JCAD: variants seen among roughly 807,000 people sequenced by gnomAD.
JCAD encodes junctional cadherin 5-associated protein.
In JCAD, 40 loss-of-function variants were observed where a neutral mutation model predicts 98.0. The observed-to-expected ratio is 0.41, with a 90% confidence interval of 0.32 to 0.53. The LOEUF (loss-of-function observed/expected upper bound fraction) is 0.53. Among genes scored for constraint, JCAD ranks in the 20% least tolerant of loss-of-function variants. The pLI is 0.31. For missense variants in JCAD, 1,705 were observed against 1,738.1 expected, an observed-to-expected ratio of 0.98 and a Z score of 0.34; for synonymous variants, 691 against 682.3, an observed-to-expected ratio of 1.01 and a Z score of -0.20.
At chr10:30,025,548 G>GGGAGGGGAGC (rs1302400785) in intron 3 of JCAD, among the ~76,000 whole-genome samples, 1 of 100,488 alleles carries the variant, frequency 1.0e-5, no homozygotes, top group Non-Finnish European at 2.3e-5. Context: ...GGGAGGGGAG[G>GGGAGGGGAGC]GGAGGGGAGG....
At chr10:30,090,123 T>TTCTGAA (rs1838236684) in intron 1 of JCAD, among the ~76,000 whole-genome samples, 1 of 152,212 alleles carries the variant, frequency 6.6e-6, no homozygotes, top group African/African-American at 2.4e-5. Flanking sequence ...TAAATGGTGT[T>TTCTGAA]CTTTATATTC....
chr10:30,034,209 C>G (rs1259821593), intron 2 of JCAD, among the ~76,000 whole-genome samples: 1 of 150,216 alleles, frequency 6.7e-6, no homozygotes, highest in African/African-American at 2.5e-5. Flanking sequence ...GGCGACAGAG[C>G]AAGACTCCAT....
intron 2 of JCAD, among the ~76,000 whole-genome samples, chr10:30,043,497 T>C (rs535788855): frequency 6.6e-6 from 1 of 152,272 alleles, no homozygotes; most frequent in East Asian, 1.9e-4. Flanking sequence ...CTGCCTTCCA[T>C]GTATGCTCCC....
chr10:30,017,515 T>A lies in JCAD; in HGVS notation c.*368A>T, dbSNP rs1029227772. ...AGGGGAGCACACCATTCACAGGCCT[T>A]TCCAAAGCATTTGCTAGATCTTCCA... On this transcript the variant is annotated 3_prime_UTR_variant, in exon 4 of 4. Transcript: ENST00000375377. 1.5e-5 allele frequency: 5 copies of A among 332,854 alleles called. No individual in the cohort carries two copies. Among genetic ancestry groups the A allele is most frequent in the Non-Finnish European group, 2.8e-5 (5 of 179,742 alleles). The allele number at this position is 332,854 out of a possible 1,614,324, so 20.6% of individuals were successfully genotyped here.
intron 1 of JCAD, among the ~76,000 whole-genome samples, chr10:30,092,529 C>T (rs1427070343): frequency 1.3e-5 from 2 of 152,070 alleles, no homozygotes; most frequent in African/African-American, 2.4e-5. Context: ...TGGGAAACAG[C>T]GGGCAAGAGA....
intron 1 of JCAD, among the ~76,000 whole-genome samples, chr10:30,055,019 T>A (rs1195912107): frequency 6.6e-6 from 1 of 152,076 alleles, no homozygotes; most frequent in Non-Finnish European, 1.5e-5. Flanking sequence ...TCAATGACAA[T>A]AAAAGAAACA....
At chr10:30,050,338 A>AG (rs1172113480) in intron 1 of JCAD, among the ~76,000 whole-genome samples, 3 of 150,066 alleles carry the variant, frequency 2.0e-5, no homozygotes, top group African/African-American at 7.4e-5. Flanking sequence ...AAAAAAAAAA[A>AG]AAAAGAAAGA....
chr10:30,106,433 A>G (rs1402696266), intron 1 of JCAD, among the ~76,000 whole-genome samples: 1 of 152,112 alleles, frequency 6.6e-6, no homozygotes, highest in Non-Finnish European at 1.5e-5. Context: ...CTTAAAAAAA[A>G]AAAAAGTACA....
chr10:30,075,396 G>C (rs560265373), intron 1 of JCAD, among the ~76,000 whole-genome samples: 6 of 152,154 alleles, frequency 3.9e-5, no homozygotes, highest in Non-Finnish European at 7.3e-5. Flanking sequence ...CATTAAACCC[G>C]TAGGTCTGGT....
chr10:30,057,339 C>T (rs1837593207), intron 1 of JCAD, among the ~76,000 whole-genome samples: 1 of 152,138 alleles, frequency 6.6e-6, no homozygotes, highest in Admixed American at 6.5e-5. Context: ...TTTTAAATTG[C>T]ATGTTAAAAA....
intron 2 of JCAD, among the ~76,000 whole-genome samples, chr10:30,064,968 C>T (rs1837760119): frequency 6.6e-6 from 1 of 152,224 alleles, no homozygotes; most frequent in Non-Finnish European, 1.5e-5. Flanking sequence ...CCGTGCCCGG[C>T]CAAAACCCCA....
At position 30,026,795 on chromosome 10, in the gene JCAD, G is replaced by A; in HGVS notation, c.3353C>T (p.Ala1118Val). 3 of 1,614,108 alleles carry A rather than the reference G, an allele frequency of 1.9e-6. No homozygotes were observed. Among genetic ancestry groups the A allele is most frequent in the Non-Finnish European group, 2.5e-6 (3 of 1,180,046 alleles). The change falls in exon 3 of 4, where the codon GCC becomes GTC. Residue 1118 changes from alanine to valine, a missense_variant. Physicochemically the swap from Ala to Val is moderately conservative, Grantham distance 64. Transcript: ENST00000375377. Reference sequence around the variant, plus strand: ...TTCCTGGGGGGACTCTGGGGTGCAGGCACTTGCATCGGGCTCAGCAGGCTG... The same window carrying A: ...TTCCTGGGGGGACTCTGGGGTGCAGACACTTGCATCGGGCTCAGCAGGCTG... ...QNQPAEPDASACTPESPQEEL... is the reference protein window; with the variant it reads ...QNQPAEPDASVCTPESPQEEL...
intron 1 of JCAD, among the ~76,000 whole-genome samples, chr10:30,109,846 GTGTGGACCCCCTGGTT>G: frequency 1.3e-5 from 2 of 151,996 alleles, no homozygotes; most frequent in Non-Finnish European, 2.9e-5. Context: ...ACCAGCTGAT[GTGTGGACCCCCTGGTT>G]TATGAACTAG....
intron 3 of JCAD, among the ~76,000 whole-genome samples, chr10:30,023,048 T>G (rs929530189): frequency 1.6e-4 from 24 of 152,160 alleles, no homozygotes; most frequent in African/African-American, 3.9e-4. Context: ...TTCTTTTTGT[T>G]TTTTTGGAGA....
chr10:30,022,717 A>G (rs1253562810), intron 3 of JCAD, among the ~76,000 whole-genome samples: 1 of 152,190 alleles, frequency 6.6e-6, no homozygotes, highest in Non-Finnish European at 1.5e-5. Context: ...CCACAGAACA[A>G]CATCTTGGTC....
At chr10:30,084,584 G>A (rs1564467219) in intron 1 of JCAD, among the ~76,000 whole-genome samples, 2 of 152,158 alleles carry the variant, frequency 1.3e-5, no homozygotes, top group African/African-American at 4.8e-5. Context: ...GACTGCCTTT[G>A]AACTGGGAAG....
At chr10:30,108,015 T>A (rs1838617588) in intron 1 of JCAD, among the ~76,000 whole-genome samples, 1 of 152,058 alleles carries the variant, frequency 6.6e-6, no homozygotes, top group African/African-American at 2.4e-5. Context: ...AGGAGCCCTA[T>A]CTTAAGAATG....
rs1836500283 is a variant in JCAD at position 30,014,733 on chromosome 10, G to A, written c.*3150C>T. 2 of 152,126 alleles carry A rather than the reference G, an allele frequency of 1.3e-5. No homozygotes were observed. Among genetic ancestry groups the A allele is most frequent in the South Asian group, 4.2e-4 (2 of 4,814 alleles). 9.4% of individuals were successfully genotyped at this position (152,126 alleles called of 1,614,324 possible). ...TGCTGCAAAAAATGATCACAGTCTG[G>A]TTTCTGAGTCATCTGAGTTTTAAAA... is the stretch of plus-strand genomic sequence containing the variant. On this transcript the variant is annotated 3_prime_UTR_variant, in exon 4 of 4. Transcript: ENST00000375377.
At chr10:30,104,679 C>T (rs1336635304) in intron 1 of JCAD, among the ~76,000 whole-genome samples, 1 of 152,140 alleles carries the variant, frequency 6.6e-6, no homozygotes, top group Non-Finnish European at 1.5e-5. Flanking sequence ...TCCCACAATA[C>T]ACCCATGTAA....
Sources: allele counts gnomAD v4.1 joint callset (sites outside exome capture counted in the v4.1 genomes callset), GRCh38; gene constraint gnomAD v4.1.1; transcripts MANE v1.5; gene names NCBI Gene and HGNC (gene_info 2026-07-23, HGNC 2026-07-21).